The following CNTN5 variants were observed in gnomAD, a reference collection of about 807,000 sequenced individuals.
CNTN5 encodes contactin-5.
Under a neutral mutation model 129.1 loss-of-function variants are expected in CNTN5, and 77 were observed. The ratio of observed to expected loss-of-function variants is 0.60; its 90% CI spans 0.50 to 0.72. The LOEUF is 0.72. Among genes scored for constraint, CNTN5 ranks in the 30% least tolerant of loss-of-function variants. The probability of loss-of-function intolerance (pLI) is 0.00; values close to 1 mark genes in which losing one functional copy is unlikely to be tolerated. For synonymous variants in CNTN5, 509 were observed against 465.6 expected, an observed-to-expected ratio of 1.09 and a Z score of -1.20; for missense variants, 1,478 against 1,328.8, an observed-to-expected ratio of 1.11 and a Z score of -1.75.
chr11:99,893,880 A>C (rs531189163), intron 6 of CNTN5, among the ~76,000 whole-genome samples: 1 of 152,256 alleles, frequency 6.6e-6, no homozygotes, highest in African/African-American at 2.4e-5. Context: ...GTTTTTAAAA[A>C]ATTATCTGGC....
intron 24 of CNTN5, among the ~76,000 whole-genome samples, chr11:100,352,776 A>G (rs1055070133): frequency 1.2e-4 from 18 of 151,920 alleles, no homozygotes; most frequent in African/African-American, 4.1e-4. Context: ...ATGTCTCTGC[A>G]TTAATTATTT....
chr11:99,609,460 G>T (rs1172036309), intron 3 of CNTN5, among the ~76,000 whole-genome samples: 1 of 152,108 alleles, frequency 6.6e-6, no homozygotes, highest in Non-Finnish European at 1.5e-5. Flanking sequence ...CTTTTCATAA[G>T]GTTATGGCTG....
intron 2 of CNTN5, among the ~76,000 whole-genome samples, chr11:99,380,200 C>T (rs1480252547): frequency 6.6e-6 from 1 of 151,564 alleles, no homozygotes; most frequent in African/African-American, 2.4e-5. Context: ...AATATTTGTC[C>T]TTTGTTTGGT....
At chr11:99,247,936 C>A (rs547689506) in intron 1 of CNTN5, among the ~76,000 whole-genome samples, 13 of 152,232 alleles carry the variant, frequency 8.5e-5, no homozygotes, top group African/African-American at 3.1e-4. Context: ...GTGCAAGTGT[C>A]TTTATAGCAG....
chr11:99,843,361 AATATTTAAAGAAAT>A (rs1947578250), intron 4 of CNTN5, among the ~76,000 whole-genome samples: 2 of 152,188 alleles, frequency 1.3e-5, no homozygotes, highest in Non-Finnish European at 2.9e-5. Context: ...GCCAAGACAA[AATATTTAAAGAAAT>A]ATATTTAAAG....
At chr11:100,343,333 G>A (rs1467710166) in intron 23 of CNTN5, among the ~76,000 whole-genome samples, 1 of 152,090 alleles carries the variant, frequency 6.6e-6, no homozygotes, top group Admixed American at 6.6e-5. Context: ...GAATTGATTC[G>A]TATAAAAGGA....
In CNTN5 at chr11:99,583,957, A is replaced by T. The variant is rs1485641454; in HGVS notation, c.55+27688A>T. ...AGACTGGAGCTGTTTGTATTCGGCC[A>T]TCTTGGCTCCACCCTCTCAAAGATT... On this transcript the variant is annotated intron_variant, in intron 3 of 24. Transcript: ENST00000524871. Among the ~76,000 whole-genome samples, 4 of 152,108 alleles carry T rather than the reference A, an allele frequency of 2.6e-5. No homozygotes were observed. In the East Asian group the frequency reaches 7.7e-4, roughly 29 times the overall value.
intron 1 of CNTN5, among the ~76,000 whole-genome samples, chr11:99,150,685 G>C (rs1029927170): frequency 6.6e-6 from 1 of 151,934 alleles, no homozygotes; most frequent in Non-Finnish European, 1.5e-5. Context: ...TAAAGATTTA[G>C]TAAGAATATT....
At chr11:99,061,493 A>G (rs1278954338) in intron 1 of CNTN5, among the ~76,000 whole-genome samples, 1 of 152,058 alleles carries the variant, frequency 6.6e-6, no homozygotes, top group Non-Finnish European at 1.5e-5. Flanking sequence ...TGGAATATGG[A>G]CAGACCTTGG....
At chr11:99,812,282 T>C (rs1337078285) in intron 3 of CNTN5, among the ~76,000 whole-genome samples, 1 of 152,080 alleles carries the variant, frequency 6.6e-6, no homozygotes, top group Non-Finnish European at 1.5e-5. Flanking sequence ...ATAAAAAATG[T>C]AATCATTTCC....
In CNTN5 at chr11:99,895,872, A is replaced by AT. The variant is rs919614618; in HGVS notation, c.578-20177dup. On this transcript the variant is annotated intron_variant, in intron 6 of 24. Transcript: ENST00000524871. ...GCCCCACTGAGAAAGGAGACACAGC[A>AT]TTTTTCCGTGTCCCTAGAATAGATG... is the stretch of plus-strand genomic sequence containing the variant. 2.0e-5 allele frequency among the ~76,000 whole-genome samples: 3 copies of AT among 152,160 alleles called. No individual in the cohort carries two copies. The East Asian group carries it at 5.8e-4, about 29-fold the overall frequency.
At chr11:99,227,953 A>G (rs944381513) in intron 1 of CNTN5, among the ~76,000 whole-genome samples, 1 of 152,164 alleles carries the variant, frequency 6.6e-6, no homozygotes, top group African/African-American at 2.4e-5. Flanking sequence ...TACAAAGTGG[A>G]TATTTTCCCA....
At chr11:99,206,151 A>G (rs1253499016) in intron 1 of CNTN5, among the ~76,000 whole-genome samples, 1 of 152,162 alleles carries the variant, frequency 6.6e-6, no homozygotes, top group Non-Finnish European at 1.5e-5. Context: ...CTTTTAACTA[A>G]TATGAATATA....
intron 2 of CNTN5, among the ~76,000 whole-genome samples, chr11:99,349,740 A>G (rs1484813591): frequency 6.6e-6 from 1 of 152,182 alleles, no homozygotes; most frequent in African/African-American, 2.4e-5. Context: ...AAACTCATTT[A>G]AGAACAGGAT....
intron 3 of CNTN5, among the ~76,000 whole-genome samples, chr11:99,784,944 T>G (rs981683918): frequency 6.6e-6 from 1 of 151,624 alleles, no homozygotes; most frequent in Non-Finnish European, 1.5e-5. Flanking sequence ...AGACTACAGG[T>G]GCCTACCATC....
At chr11:100,181,149 G>C (rs1403283016) in intron 13 of CNTN5, among the ~76,000 whole-genome samples, 1 of 151,918 alleles carries the variant, frequency 6.6e-6, no homozygotes, top group Non-Finnish European at 1.5e-5. Context: ...AGTAGAACCT[G>C]CCCAGATGTT....
chr11:99,471,246 G>C (rs565467560), intron 2 of CNTN5, among the ~76,000 whole-genome samples: 45 of 151,672 alleles, frequency 3.0e-4, no homozygotes, highest in African/African-American at 1.1e-3. Context: ...CCATAAAGTA[G>C]CCATCTGCTT....
At chr11:100,090,513 C>T (rs1160636495) in intron 13 of CNTN5, among the ~76,000 whole-genome samples, 7 of 50,224 alleles carry the variant, frequency 1.4e-4, no homozygotes, top group Admixed American at 3.7e-4. Flanking sequence ...CTCCCTCCCT[C>T]CCTCCCTCCC....
At chr11:99,344,718 T>C (rs1937703133) in intron 2 of CNTN5, among the ~76,000 whole-genome samples, 1 of 152,120 alleles carries the variant, frequency 6.6e-6, no homozygotes, top group Admixed American at 6.6e-5. Flanking sequence ...AGCATCAAAA[T>C]GAGCAGCACA....
Sources: allele counts gnomAD v4.1 joint callset (sites outside exome capture counted in the v4.1 genomes callset), GRCh38; gene constraint gnomAD v4.1.1; transcripts MANE v1.5; gene names NCBI Gene and HGNC (gene_info 2026-07-23, HGNC 2026-07-21).